MGAT4A: variants seen among roughly 807,000 people sequenced by gnomAD.
MGAT4A encodes alpha-1,3-mannosyl-glycoprotein 4-beta-N-acetylglucosaminyltransferase A, also known as N-acetylglucosaminyltransferase IVa.
A neutral mutation model predicts 74.1 loss-of-function variants in MGAT4A; 33 were observed. The ratio of observed to expected loss-of-function variants is 0.45; its 90% confidence interval spans 0.34 to 0.60. The LOEUF (loss-of-function observed/expected upper bound fraction) is 0.60, where lower values mean the gene tolerates loss of function less well. Among genes scored for constraint, MGAT4A ranks in the 20% least tolerant of loss-of-function variants. MGAT4A has a pLI of 0.02. For synonymous variants in MGAT4A, 198 were observed against 210.4 expected (o/e 0.94, Z 0.51); for missense variants, 479 against 628.3 (o/e 0.76, Z 2.54).
At chr2:98,631,641 G>A (rs1701235016) in intron 14 of MGAT4A, among the ~76,000 whole-genome samples, 1 of 152,228 alleles carries the variant, frequency 6.6e-6, no homozygotes, top group Non-Finnish European at 1.5e-5. Context: ...GGCAGTCGGA[G>A]GAGAGCCTAG....
chr2:98,640,023 C>T (rs374500443), intron 11 of MGAT4A, 22 bp from the exon 12 acceptor site: 4 of 1,587,370 alleles, frequency 2.5e-6, no homozygotes, highest in Non-Finnish European at 3.4e-6. Context: ...GACATATATG[C>T]TATTAAATAA....
At chr2:98,642,111 TAA>T (rs1173474677) in intron 10 of MGAT4A, among the ~76,000 whole-genome samples, 2 of 151,818 alleles carry the variant, frequency 1.3e-5, no homozygotes, top group Non-Finnish European at 2.9e-5. Flanking sequence ...GACACTACAA[TAA>T]AGGTGAAATA....
chr2:98,652,844 TGAA>T (rs1701602159), intron 8 of MGAT4A, among the ~76,000 whole-genome samples: 1 of 150,026 alleles, frequency 6.7e-6, no homozygotes, highest in Admixed American at 6.6e-5. Flanking sequence ...CTTGAACTCT[TGAA>T]CTCCTGAACT....
rs554315514 is a variant in MGAT4A at position 98,699,505 on chromosome 2, CTT to C, written c.95-21036_95-21035del. ...TGCACAGCAGGAATCATATTTTAGT[CTT>C]TTTTTTTTCCCCCTAAATGCCATTG... On this transcript the variant is annotated intron_variant, in intron 2 of 15. Coordinates refer to ENST00000393487, the MANE Select transcript of MGAT4A (RefSeq NM_012214.3). Among the ~76,000 whole-genome samples the C allele has an allele frequency of 8.0e-5, 12 of 149,802 alleles. No individual in the cohort carries two copies. The South Asian group carries it at 8.5e-4, about 11-fold the overall frequency.
intron 5 of MGAT4A, among the ~76,000 whole-genome samples, chr2:98,661,981 C>A (rs1701757951): frequency 6.6e-6 from 1 of 152,122 alleles, no homozygotes; most frequent in African/African-American, 2.4e-5. Flanking sequence ...AATAACTGAC[C>A]AGTGCCCATC....
At chr2:98,717,576 T>C (rs916852501) in intron 2 of MGAT4A, among the ~76,000 whole-genome samples, 1 of 152,226 alleles carries the variant, frequency 6.6e-6, no homozygotes, top group Admixed American at 6.5e-5. Flanking sequence ...TCGAAAATTA[T>C]ACTACTCTGA....
chr2:98,699,105 C>G (rs1236379474), intron 2 of MGAT4A, among the ~76,000 whole-genome samples: 1 of 152,126 alleles, frequency 6.6e-6, no homozygotes, highest in Non-Finnish European at 1.5e-5. Context: ...TTGGAAGAAA[C>G]CAGGTATGCA....
intron 12 of MGAT4A, among the ~76,000 whole-genome samples, chr2:98,639,139 T>G (rs1460105251): frequency 1.3e-5 from 2 of 151,974 alleles, no homozygotes; most frequent in East Asian, 3.9e-4. Context: ...ACAAAAAAAT[T>G]AGCCAGGTGT....
intron 2 of MGAT4A, among the ~76,000 whole-genome samples, chr2:98,713,588 C>A (rs904750827): frequency 1.3e-5 from 2 of 152,146 alleles, no homozygotes; most frequent in Admixed American, 6.5e-5. Flanking sequence ...ATGGCGAAAC[C>A]CTGTCTACAC....
intron 2 of MGAT4A, among the ~76,000 whole-genome samples, chr2:98,724,233 G>A (rs146647210): frequency 7.9e-5 from 12 of 152,292 alleles, no homozygotes; most frequent in Non-Finnish European, 1.6e-4. Context: ...CATTAGTTTA[G>A]CAACATCAAA....
Position 98,623,928 on chromosome 2 carries a change from C to T in MGAT4A, c.*1638G>A, listed in dbSNP as rs556483269. On this transcript the variant is annotated 3_prime_UTR_variant, in exon 16 of 16. Transcript: ENST00000393487. Reference sequence around the variant, plus strand: ...ACTCTGAAAGCTCAGCAGAATCCATCTCTGCCCGTCTGCAACCAACCTGCA... The same window carrying T: ...ACTCTGAAAGCTCAGCAGAATCCATTTCTGCCCGTCTGCAACCAACCTGCA... 9.0e-5 allele frequency: 89 copies of T among 985,492 alleles called. No individual in the cohort carries two copies. The highest frequency in any genetic ancestry group is 5.2e-4 in the Middle Eastern group (1 of 1,914). The allele number at this position is 985,492 out of a possible 1,614,324, so 61.0% of individuals were successfully genotyped here. A position where few individuals can be genotyped will look rare whatever the true frequency, so the allele number is the denominator to read the frequency against.
chr2:98,628,993 CTTTA>C (rs902543762), intron 14 of MGAT4A, among the ~76,000 whole-genome samples: 27 of 152,178 alleles, frequency 1.8e-4, no homozygotes, highest in Admixed American at 3.9e-4. Flanking sequence ...TCCAAAAAAA[CTTTA>C]TTTATGGACA....
chr2:98,726,159 T>C (rs1176197504), intron 2 of MGAT4A, 80 bp downstream of exon 2: 2 of 986,704 alleles, frequency 2.0e-6, no homozygotes, highest in East Asian at 2.5e-5. Flanking sequence ...GCCAGGGTAT[T>C]TGACCTAAGC....
At chr2:98,653,124 A>C (rs912484216) in intron 8 of MGAT4A, among the ~76,000 whole-genome samples, 101 of 149,022 alleles carry the variant, frequency 6.8e-4, no homozygotes, top group Non-Finnish European at 1.2e-3. Flanking sequence ...ACGAAAACAA[A>C]AAAAAAAATA....
At chr2:98,650,175 A>T (rs1185316770) in intron 8 of MGAT4A, among the ~76,000 whole-genome samples, 15 of 152,232 alleles carry the variant, frequency 9.9e-5, no homozygotes. Context: ...AGACCTGAGC[A>T]GGCAGAAGAA....
chr2:98,641,059 C>A (rs865914401), intron 10 of MGAT4A, among the ~76,000 whole-genome samples: 1 of 152,154 alleles, frequency 6.6e-6, no homozygotes, highest in Non-Finnish European at 1.5e-5. Flanking sequence ...ACTCGTAGTG[C>A]CCCACGGTCC....
At chr2:98,645,970 G>T (rs1701478019) in intron 8 of MGAT4A, among the ~76,000 whole-genome samples, 1 of 152,076 alleles carries the variant, frequency 6.6e-6, no homozygotes, top group Admixed American at 6.5e-5. Flanking sequence ...GAATTTAGTA[G>T]TCTTACTGTT....
At chr2:98,701,080 T>TA (rs1702350538) in intron 2 of MGAT4A, among the ~76,000 whole-genome samples, 1 of 152,122 alleles carries the variant, frequency 6.6e-6, no homozygotes, top group Non-Finnish European at 1.5e-5. Flanking sequence ...AAGGCTATTA[T>TA]AAAAATGGTC....
chr2:98,712,120 G>A (rs185690977), intron 2 of MGAT4A, among the ~76,000 whole-genome samples: 2 of 152,152 alleles, frequency 1.3e-5, no homozygotes, highest in South Asian at 2.1e-4. Flanking sequence ...ATCTGGACCT[G>A]TATTCATCAG....
Sources: allele counts gnomAD v4.1 joint callset (sites outside exome capture counted in the v4.1 genomes callset), GRCh38; gene constraint gnomAD v4.1.1; transcripts MANE v1.5; gene names NCBI Gene and HGNC (gene_info 2026-07-23, HGNC 2026-07-21).